Variants in DEPDC5 observed in about 807,000 individuals in gnomAD.
DEPDC5 encodes the protein GATOR1 complex protein DEPDC5.
In DEPDC5, 73 loss-of-function variants were observed where a neutral mutation model predicts 217.3. The observed-to-expected ratio is 0.34, with a 90% CI of 0.28 to 0.41. The LOEUF is 0.41. DEPDC5 is among the 10% of genes least tolerant of loss of function. The probability of loss-of-function intolerance (pLI) is 1.00; values close to 1 mark genes in which losing one functional copy is unlikely to be tolerated. For synonymous variants in DEPDC5, 733 were observed against 756.7 expected, an observed-to-expected ratio of 0.97 and a Z score of 0.51; for missense variants, 1,675 against 2,070.1, an observed-to-expected ratio of 0.81 and a Z score of 3.70.
chr22:31,827,193 G>A (rs951618915), intron 24 of DEPDC5, among the ~76,000 whole-genome samples: 2 of 152,050 alleles, frequency 1.3e-5, no homozygotes, highest in Non-Finnish European at 2.9e-5. Flanking sequence ...GTAACCTATA[G>A]CATGTGTTTT....
At chr22:31,808,324 G>A (rs1218790294) in intron 18 of DEPDC5, among the ~76,000 whole-genome samples, 1 of 150,570 alleles carries the variant, frequency 6.6e-6, no homozygotes, top group African/African-American at 2.4e-5. Flanking sequence ...GCAGTGGTGC[G>A]ATCTTGGCTC....
chr22:31,871,365 C>A (rs767297932), intron 34 of DEPDC5, among the ~76,000 whole-genome samples: 7 of 152,174 alleles, frequency 4.6e-5, no homozygotes, highest in Non-Finnish European at 7.3e-5. Context: ...AACTTTTATA[C>A]CCCTGCCCTG....
intron 24 of DEPDC5, among the ~76,000 whole-genome samples, chr22:31,827,465 C>T (rs2090243791): frequency 6.6e-6 from 1 of 152,160 alleles, no homozygotes; most frequent in Non-Finnish European, 1.5e-5. Flanking sequence ...TCATCTTTTG[C>T]CTGGATGCAG....
intron 40 of DEPDC5, 40 bp downstream of exon 40, chr22:31,897,693 A>G (rs2093577912): frequency 6.2e-7 from 1 of 1,605,740 alleles, no homozygotes; most frequent in Admixed American, 1.7e-5. Flanking sequence ...TCAACCAGTA[A>G]GACCCCGTCC....
At chr22:31,894,844 TA>T (rs35605182) in intron 39 of DEPDC5, 20 of 121,868 alleles carry the variant, frequency 1.6e-4, no homozygotes, top group East Asian at 4.7e-4. Flanking sequence ...GACTTCATCT[TA>T]AAAAAAAAAG....
intron 26 of DEPDC5, among the ~76,000 whole-genome samples, chr22:31,837,649 C>G (rs543969609): frequency 1.5e-4 from 23 of 151,964 alleles, no homozygotes; most frequent in African/African-American, 5.5e-4. Context: ...GCCACTGTGT[C>G]TGGCTGAACA....
At chr22:31,783,250 C>T (rs1183267479) in intron 8 of DEPDC5, among the ~76,000 whole-genome samples, 2 of 152,164 alleles carry the variant, frequency 1.3e-5, no homozygotes, top group Non-Finnish European at 2.9e-5. Context: ...AGGTCCCCTT[C>T]CACATGGAAG....
chr22:31,864,358 A>T (rs2149179093), intron 33 of DEPDC5, among the ~76,000 whole-genome samples: 2 of 151,436 alleles, frequency 1.3e-5, no homozygotes, highest in Non-Finnish European at 2.9e-5. Context: ...CACCTGCCTC[A>T]GCCTCCCAAA....
intron 26 of DEPDC5, among the ~76,000 whole-genome samples, chr22:31,838,338 T>C (rs1233488657): frequency 6.6e-6 from 1 of 152,172 alleles, no homozygotes; most frequent in Non-Finnish European, 1.5e-5. Flanking sequence ...CAGGCTGAAG[T>C]GCAGTGATGC....
In DEPDC5 at chr22:31,837,002, C is replaced by T; in HGVS notation, c.2201C>T (p.Pro734Leu). 6.2e-7 allele frequency: 1 copy of T among 1,614,158 alleles called. No individual in the cohort carries two copies. Among genetic ancestry groups the T allele is most frequent in the Non-Finnish European group, 8.5e-7 (1 of 1,180,028 alleles). Residue 734 changes from proline to leucine, a missense_variant, in exon 26 of 43, where the codon CCA becomes CTA. By Grantham distance (98) the Pro-to-Leu change is moderately conservative. Coordinates refer to ENST00000651528, the MANE Select transcript of DEPDC5 (RefSeq NM_001242896.3). ...ILTLSAPPVV[P>L]GFCCTVGVDW... ...ACACTGTCTGCTCCCCCTGTAGTGCCAGGCTTCTGTTGCACAGTTGGAGTG... is the reference window on the plus strand; with the variant it reads ...ACACTGTCTGCTCCCCCTGTAGTGCTAGGCTTCTGTTGCACAGTTGGAGTG...
intron 32 of DEPDC5, chr22:31,858,581 CTCA>C (rs1406691183): frequency 6.6e-6 from 1 of 152,110 alleles, no homozygotes; most frequent in Non-Finnish European, 1.5e-5. Flanking sequence ...ATGAAAATTT[CTCA>C]TGTCATTAAA....
At chr22:31,762,161 G>A (rs894259193) in intron 4 of DEPDC5, among the ~76,000 whole-genome samples, 1 of 152,028 alleles carries the variant, frequency 6.6e-6, no homozygotes, top group African/African-American at 2.4e-5. Context: ...GGATTGGGGA[G>A]GAAGAAATAT....
chr22:31,833,844 C>T, intron 24 of DEPDC5, 71 bp from the exon 25 acceptor site: 4 of 1,357,054 alleles, frequency 2.9e-6, no homozygotes, highest in Non-Finnish European at 3.9e-6. Context: ...TTGCCTTTTT[C>T]AACCATAACT....
chr22:31,826,605 T>C, intron 24 of DEPDC5: 1 of 333,418 alleles, frequency 3.0e-6, no homozygotes, highest in Non-Finnish European at 5.9e-6. Flanking sequence ...CCCCGGTGGT[T>C]CCCCCTCCTT....
intron 7 of DEPDC5, among the ~76,000 whole-genome samples, chr22:31,770,791 C>CTTTTTTTTT (rs1156973076): frequency 8.3e-6 from 1 of 120,122 alleles, no homozygotes; most frequent in Non-Finnish European, 1.7e-5. Context: ...ATCTACTTTT[C>CTTTTTTTTT]TTTTTTTTTT....
chr22:31,812,873 T>C (rs1166078979), intron 20 of DEPDC5, among the ~76,000 whole-genome samples: 1 of 151,546 alleles, frequency 6.6e-6, no homozygotes, highest in African/African-American at 2.4e-5. Flanking sequence ...CCCGAGTAGC[T>C]GGGATTACAA....
chr22:31,831,722 A>G (rs1301174012), intron 24 of DEPDC5, among the ~76,000 whole-genome samples: 2 of 152,180 alleles, frequency 1.3e-5, no homozygotes, highest in African/African-American at 2.4e-5. Context: ...CGGCCTCCCA[A>G]AGGGTTGAGA....
chr22:31,839,057 G>T (rs1484896341), intron 27 of DEPDC5, among the ~76,000 whole-genome samples: 1 of 152,078 alleles, frequency 6.6e-6, no homozygotes, highest in Non-Finnish European at 1.5e-5. Context: ...TCCCTTTAAG[G>T]CAGTGGATGT....
At chr22:31,869,000 T>C (rs1428428785) in intron 33 of DEPDC5, among the ~76,000 whole-genome samples, 1 of 152,026 alleles carries the variant, frequency 6.6e-6, no homozygotes, top group Non-Finnish European at 1.5e-5. Flanking sequence ...CCCAGCACTT[T>C]GGGAGGCTGA....
Sources: gnomAD v4.1 joint callset for allele counts (sites outside exome capture counted in the v4.1 genomes callset) on GRCh38, gnomAD v4.1.1 for gene constraint, MANE v1.5 for transcripts, NCBI Gene and HGNC (gene_info 2026-07-23, HGNC 2026-07-21) for gene names.